NMNAT3: variants seen among roughly 807,000 people sequenced by gnomAD.
NMNAT3 encodes nicotinamide nucleotide adenylyltransferase 3.
Under a neutral mutation model 24.8 loss-of-function variants are expected in NMNAT3, and 21 were observed. The ratio of observed to expected loss-of-function variants is 0.85; its 90% confidence interval spans 0.60 to 1.22. The LOEUF is 1.22. Among genes scored for constraint, NMNAT3 ranks in the 50% most tolerant of loss-of-function variants. NMNAT3 has a pLI of 0.00. For missense variants in NMNAT3, 387 were observed against 436.6 expected, an observed-to-expected ratio of 0.89 and a Z score of 1.01; for synonymous variants, 136 against 155.2, an observed-to-expected ratio of 0.88 and a Z score of 0.92.
intron 3 of NMNAT3, among the ~76,000 whole-genome samples, chr3:139,621,621 C>A (rs566639479): frequency 1.3e-5 from 2 of 152,370 alleles, no homozygotes; most frequent in South Asian, 4.1e-4. Context: ...ATCCACCCAC[C>A]TTGGCCTCCC....
intron 2 of NMNAT3, chr3:139,637,454 C>T (rs975339783): frequency 2.6e-5 from 4 of 152,208 alleles, no homozygotes; most frequent in African/African-American, 9.6e-5. Flanking sequence ...TACAACTGGT[C>T]TCTATGTGCT....
intron 1 of NMNAT3, among the ~76,000 whole-genome samples, chr3:139,675,147 C>CACAA (rs1212883952): frequency 1.3e-5 from 2 of 151,756 alleles, no homozygotes; most frequent in African/African-American, 2.4e-5. Context: ...CACACACACA[C>CACAA]ACACACACAC....
chr3:139,606,791 G>A (rs2054965848), intron 3 of NMNAT3, among the ~76,000 whole-genome samples: 1 of 152,038 alleles, frequency 6.6e-6, no homozygotes, highest in South Asian at 2.1e-4. Flanking sequence ...TTGTCAATAT[G>A]GATTCATGGG....
chr3:139,624,986 A>G (rs1243519881), intron 3 of NMNAT3, among the ~76,000 whole-genome samples: 1 of 152,214 alleles, frequency 6.6e-6, no homozygotes, highest in Non-Finnish European at 1.5e-5. Context: ...TCTCCTTGCA[A>G]TTCTATAAGT....
intron 1 of NMNAT3, among the ~76,000 whole-genome samples, chr3:139,665,755 A>AGG (rs1443588720): frequency 1.4e-5 from 2 of 143,530 alleles, no homozygotes; most frequent in Admixed American, 7.0e-5. Context: ...AGAGAGAGAG[A>AGG]GAGACCTTTT....
intron 3 of NMNAT3, among the ~76,000 whole-genome samples, chr3:139,591,982 G>A (rs575526705): frequency 6.6e-6 from 1 of 152,294 alleles, no homozygotes; most frequent in South Asian, 2.1e-4. Flanking sequence ...TGACTTTGAC[G>A]AGCTGAGAGA....
At chr3:139,575,150 G>A (rs1441159051) in intron 5 of NMNAT3, among the ~76,000 whole-genome samples, 1 of 152,188 alleles carries the variant, frequency 6.6e-6, no homozygotes, top group Non-Finnish European at 1.5e-5. Context: ...TAGCACCCAT[G>A]AAAATGCTCC....
chr3:139,670,035 G>T (rs1265116290), intron 1 of NMNAT3, among the ~76,000 whole-genome samples: 1 of 152,124 alleles, frequency 6.6e-6, no homozygotes, highest in Non-Finnish European at 1.5e-5. Flanking sequence ...ATATGGTAAT[G>T]TTTTTCTTAT....
chr3:139,573,529 C>T, intron 6 of NMNAT3, 69 bp downstream of exon 6: 1 of 928,506 alleles, frequency 1.1e-6, no homozygotes, highest in East Asian at 2.7e-5. Context: ...GTGACCACCC[C>T]TACCCCCTTC....
chr3:139,661,614 G>A (rs1198342671), intron 1 of NMNAT3, among the ~76,000 whole-genome samples: 1 of 152,154 alleles, frequency 6.6e-6, no homozygotes, highest in African/African-American at 2.4e-5. Context: ...AGGTGATAGT[G>A]AGCTATGACT....
intron 5 of NMNAT3, among the ~76,000 whole-genome samples, chr3:139,574,555 G>C (rs986920437): frequency 6.6e-6 from 1 of 152,136 alleles, no homozygotes; most frequent in African/African-American, 2.4e-5. Context: ...GTATCAATTT[G>C]ATCTTCCAAC....
intron 3 of NMNAT3, chr3:139,599,118 C>T: frequency 1.8e-6 from 1 of 555,164 alleles, no homozygotes; most frequent in Non-Finnish European, 3.2e-6. Flanking sequence ...GCATTCCAAA[C>T]TGTAAAGACT....
At chr3:139,620,479 C>A (rs1348471562) in intron 3 of NMNAT3, among the ~76,000 whole-genome samples, 1 of 152,048 alleles carries the variant, frequency 6.6e-6, no homozygotes, top group East Asian at 1.9e-4. Flanking sequence ...TTTCAAAATT[C>A]ATGTCTACTG....
intron 3 of NMNAT3, among the ~76,000 whole-genome samples, chr3:139,614,335 C>G (rs929798161): frequency 3.5e-4 from 54 of 152,128 alleles, no homozygotes; most frequent in Non-Finnish European, 8.8e-5. Flanking sequence ...CTGACTACTT[C>G]CCTACTTTCT....
At chr3:139,613,181 A>C (rs981506353) in intron 3 of NMNAT3, among the ~76,000 whole-genome samples, 4 of 152,212 alleles carry the variant, frequency 2.6e-5, no homozygotes, top group Non-Finnish European at 5.9e-5. Context: ...AGAAACTACC[A>C]TCAGAGTGAA....
intron 6 of NMNAT3, chr3:139,569,674 A>G (rs1937800500): frequency 1.3e-5 from 2 of 152,062 alleles, no homozygotes; most frequent in Admixed American, 1.3e-4. Flanking sequence ...ATTGGTCTCC[A>G]CTCTCTTCTG....
chr3:139,627,830 C>G lies in NMNAT3; in HGVS notation c.-40-66G>C, dbSNP rs368797005. 11 of 580,468 alleles carry G rather than the reference C, an allele frequency of 1.9e-5. 1 individual carries two copies. The East Asian group carries it at 2.9e-4, about 15-fold the overall frequency. The allele number at this position is 580,468 out of a possible 1,614,324, so 36.0% of individuals were successfully genotyped here. ...GAGACAATTATCCAGATCAGTCTCTCTAAACCACACACAGACCATTACTTC... is the reference window on the plus strand; with the variant it reads ...GAGACAATTATCCAGATCAGTCTCTGTAAACCACACACAGACCATTACTTC... On this transcript the variant is annotated intron_variant, in intron 2 of 6. Coordinates refer to ENST00000643695, the MANE Select transcript of NMNAT3 (RefSeq NM_001320510.2).
At chr3:139,578,088 T>C (rs1939602670) in intron 5 of NMNAT3, among the ~76,000 whole-genome samples, 1 of 152,186 alleles carries the variant, frequency 6.6e-6, no homozygotes, top group African/African-American at 2.4e-5. Context: ...CTGGTTGTCA[T>C]TAGTGATGAG....
At chr3:139,615,917 G>A (rs189642783) in intron 3 of NMNAT3, among the ~76,000 whole-genome samples, 1 of 152,292 alleles carries the variant, frequency 6.6e-6, no homozygotes, top group East Asian at 1.9e-4. Context: ...GACAGGGCAT[G>A]TATGCTCCCC....
Sources: allele counts gnomAD v4.1 joint callset (sites outside exome capture counted in the v4.1 genomes callset), GRCh38; gene constraint gnomAD v4.1.1; transcripts MANE v1.5; gene names NCBI Gene and HGNC (gene_info 2026-07-23, HGNC 2026-07-21).